Variants in TTC28 observed in about 807,000 individuals in gnomAD.
The protein encoded by TTC28 is tetratricopeptide repeat protein 28.
Under a neutral mutation model 198.0 loss-of-function variants are expected in TTC28, and 61 were observed. That is an observed-to-expected ratio of 0.31 (90% CI 0.25 to 0.38). The LOEUF is 0.38. Ranked by LOEUF, TTC28 falls within the 10% of genes least tolerant of loss-of-function variation. The pLI is 1.00. For synonymous variants in TTC28, 1,171 were observed against 1,297.8 expected, an observed-to-expected ratio of 0.90 and a Z score of 2.10; for missense variants, 2,678 against 3,164.0, an observed-to-expected ratio of 0.85 and a Z score of 3.69.
intron 1 of TTC28, among the ~76,000 whole-genome samples, chr22:28,647,028 A>T (rs1387161071): frequency 6.6e-6 from 1 of 152,222 alleles, no homozygotes. Flanking sequence ...CTGGTATAAA[A>T]GTAGACACAT....
intron 2 of TTC28, among the ~76,000 whole-genome samples, chr22:28,614,224 A>C (rs2146162615): frequency 6.6e-6 from 1 of 152,336 alleles, no homozygotes; most frequent in South Asian, 2.1e-4. Flanking sequence ...ATATCTAGGA[A>C]TACAACTTAT....
At chr22:28,425,501 G>A (rs948173352) in intron 2 of TTC28, among the ~76,000 whole-genome samples, 10 of 152,164 alleles carry the variant, frequency 6.6e-5, no homozygotes. Context: ...TGCACGATTC[G>A]CTCCTTGAAG....
chr22:28,038,617 T>C (rs536361097), intron 12 of TTC28, among the ~76,000 whole-genome samples: 1 of 152,158 alleles, frequency 6.6e-6, no homozygotes, highest in Non-Finnish European at 1.5e-5. Flanking sequence ...GGCCAAGGAC[T>C]TCATGTCTAA....
chr22:28,030,164 T>C (rs2146630456), intron 13 of TTC28, 62 bp downstream of exon 13: 1 of 1,534,380 alleles, frequency 6.5e-7, no homozygotes, highest in African/African-American at 1.4e-5. Flanking sequence ...ACTGAAAGCA[T>C]ATTATCTGTG....
At chr22:28,610,100 A>G (rs2050795700) in intron 2 of TTC28, among the ~76,000 whole-genome samples, 1 of 152,206 alleles carries the variant, frequency 6.6e-6, no homozygotes, top group African/African-American at 2.4e-5. Context: ...AAGGGCTTAT[A>G]GATAAAACCC....
rs1019238598 is a variant in TTC28, at chr22:28,611,426, A to G, written c.381+18126T>C. Reference sequence around the variant, plus strand: ...GGCCAATATTCAACATTCTTAAAGAAAAGAATTTTCAACCCATAATTTCAT... The same window carrying G: ...GGCCAATATTCAACATTCTTAAAGAGAAGAATTTTCAACCCATAATTTCAT... On this transcript the variant is annotated intron_variant, in intron 2 of 22. Transcript: ENST00000397906. Among the ~76,000 whole-genome samples the G allele has an allele frequency of 2.0e-5, 3 of 152,246 alleles. No individual in the cohort carries two copies. The East Asian group carries it at 5.8e-4, about 29-fold the overall frequency.
intron 2 of TTC28, among the ~76,000 whole-genome samples, chr22:28,381,134 CA>C (rs981709849): frequency 1.5e-3 from 168 of 108,526 alleles, no homozygotes; most frequent in Middle Eastern, 9.7e-3. Context: ...ATCACATTCT[CA>C]AAAAAAAAAA....
At chr22:28,302,307 A>G (rs2045042928) in intron 3 of TTC28, among the ~76,000 whole-genome samples, 1 of 152,090 alleles carries the variant, frequency 6.6e-6, no homozygotes, top group African/African-American at 2.4e-5. Flanking sequence ...CTTGAGAGAA[A>G]CTTCTCCAGT....
intron 12 of TTC28, among the ~76,000 whole-genome samples, chr22:28,065,138 TG>T (rs1442786564): frequency 1.3e-5 from 2 of 152,146 alleles, no homozygotes; most frequent in Non-Finnish European, 2.9e-5. Context: ...AAAACCTCAT[TG>T]GGTCAGCCAG....
intron 12 of TTC28, among the ~76,000 whole-genome samples, chr22:28,087,968 C>T (rs1941673894): frequency 6.6e-6 from 1 of 152,048 alleles, no homozygotes; most frequent in Non-Finnish European, 1.5e-5. Flanking sequence ...ATGTGAAGGA[C>T]CTCTTCAAGG....
At chr22:28,156,694 G>GA (rs1361738192) in intron 6 of TTC28, among the ~76,000 whole-genome samples, 1 of 152,168 alleles carries the variant, frequency 6.6e-6, no homozygotes. Flanking sequence ...TTGGAAATGT[G>GA]AAAGTGATGC....
intron 2 of TTC28, among the ~76,000 whole-genome samples, chr22:28,547,193 CATGT>C (rs1331918635): frequency 6.6e-6 from 1 of 151,210 alleles, no homozygotes; most frequent in East Asian, 1.9e-4. Context: ...GATCTCTCTG[CATGT>C]GTGTATGTGT....
chr22:28,639,231 T>C (rs1053743908), intron 1 of TTC28, among the ~76,000 whole-genome samples: 5 of 152,178 alleles, frequency 3.3e-5, no homozygotes, highest in Admixed American at 3.3e-4. Flanking sequence ...ATTAGATCCA[T>C]GTAATTATTA....
intron 1 of TTC28, among the ~76,000 whole-genome samples, chr22:28,640,322 G>GA (rs1004115372): frequency 2.8e-5 from 4 of 141,074 alleles, no homozygotes; most frequent in Non-Finnish European, 6.2e-5. Context: ...AGGGGGGGGG[G>GA]GGAAAGATGA....
chr22:28,587,502 T>A (rs2146078769), intron 2 of TTC28, among the ~76,000 whole-genome samples: 1 of 152,242 alleles, frequency 6.6e-6, no homozygotes, highest in Non-Finnish European at 1.5e-5. Context: ...TAATTTTTAT[T>A]TATTTATTTT....
chr22:28,129,592 C>T (rs1461355422), intron 6 of TTC28, among the ~76,000 whole-genome samples: 1 of 152,212 alleles, frequency 6.6e-6, no homozygotes, highest in Non-Finnish European at 1.5e-5. Flanking sequence ...TATTACCTCC[C>T]TCACGAGGTG....
At chr22:28,273,819 T>C (rs762767584) in intron 5 of TTC28, among the ~76,000 whole-genome samples, 25 of 151,626 alleles carry the variant, frequency 1.6e-4, no homozygotes, top group Non-Finnish European at 2.8e-4. Context: ...GTGTGGAAAA[T>C]CAGGCAAAAG....
chr22:28,232,092 T>C (rs1195268338), intron 5 of TTC28, among the ~76,000 whole-genome samples: 2 of 152,214 alleles, frequency 1.3e-5, no homozygotes, highest in Admixed American at 6.5e-5. Flanking sequence ...ACAGTCTTTT[T>C]TAAGGAAAAC....
Position 28,599,718 on chromosome 22 carries a change from G to C in TTC28, c.381+29834C>G, listed in dbSNP as rs190808069. On this transcript the variant is annotated intron_variant, in intron 2 of 22. Coordinates refer to ENST00000397906, the MANE Select transcript of TTC28 (RefSeq NM_001145418.2). The stretch of plus-strand genomic sequence containing the variant: ...CCATGTCAATTAGAAGAAGGCTCTA[G>C]ATTGAGACTTTAAAGCAGTTATGAG... Among the ~76,000 whole-genome samples the C allele has an allele frequency of 2.6e-3, 398 of 152,312 alleles. 2 individuals carry two copies. The highest frequency in any genetic ancestry group is 5.0e-3 in the Admixed American group (76 of 15,300).
Sources: gnomAD v4.1 joint callset for allele counts (sites outside exome capture counted in the v4.1 genomes callset) on GRCh38, gnomAD v4.1.1 for gene constraint, MANE v1.5 for transcripts, NCBI Gene and HGNC (gene_info 2026-07-23, HGNC 2026-07-21) for gene names.